The following GHR variants were observed in gnomAD, a reference collection of about 807,000 sequenced individuals.
The protein encoded by GHR is GH receptor.
In GHR, 35 loss-of-function variants were observed where a neutral mutation model predicts 67.1. The ratio of observed to expected loss-of-function variants is 0.52; its 90% CI spans 0.40 to 0.69. The LOEUF (loss-of-function observed/expected upper bound fraction) is 0.69, where lower values mean the gene tolerates loss of function less well. Among genes scored for constraint, GHR ranks in the 30% least tolerant of loss-of-function variants. The probability of loss-of-function intolerance (pLI) is 0.00; values close to 1 mark genes in which losing one functional copy is unlikely to be tolerated. For missense variants in GHR, 792 were observed against 764.6 expected, an observed-to-expected ratio of 1.04 and a Z score of -0.42; for synonymous variants, 272 against 269.1, an observed-to-expected ratio of 1.01 and a Z score of -0.10.
chr5:42,548,864 G>T (rs1748870894), intron 1 of GHR, among the ~76,000 whole-genome samples: 1 of 152,156 alleles, frequency 6.6e-6, no homozygotes, highest in African/African-American at 2.4e-5. Context: ...GTTTTCAAAG[G>T]TTGTTCTCTG....
At chr5:42,578,073 A>G (rs1181777601) in intron 2 of GHR, among the ~76,000 whole-genome samples, 1 of 152,184 alleles carries the variant, frequency 6.6e-6, no homozygotes, top group African/African-American at 2.4e-5. Context: ...TTGAGATTTT[A>G]GGTTAATTTA....
chr5:42,684,492 A>G (rs1307869100), intron 3 of GHR, among the ~76,000 whole-genome samples: 1 of 152,242 alleles, frequency 6.6e-6, no homozygotes, highest in African/African-American at 2.4e-5. Context: ...GTTTGTTTTC[A>G]GTGCTTCAAC....
intron 3 of GHR, among the ~76,000 whole-genome samples, chr5:42,663,895 A>T (rs1448962100): frequency 6.6e-6 from 1 of 152,230 alleles, no homozygotes; most frequent in African/African-American, 2.4e-5. Flanking sequence ...ACTTCAGCAA[A>T]GTCTCAGGAT....
intron 3 of GHR, among the ~76,000 whole-genome samples, chr5:42,667,285 C>A (rs1321835888): frequency 1.3e-5 from 2 of 152,188 alleles, no homozygotes; most frequent in Non-Finnish European, 2.9e-5. Context: ...CTAACACAGA[C>A]ACAGTCAACA....
At chr5:42,629,642 GAAAAC>G (rs1355257771) in intron 3 of GHR, among the ~76,000 whole-genome samples, 1 of 131,120 alleles carries the variant, frequency 7.6e-6, no homozygotes, top group Admixed American at 7.4e-5. Flanking sequence ...TTATAGCAAT[GAAAAC>G]AAACTAATAC....
intron 1 of GHR, among the ~76,000 whole-genome samples, chr5:42,515,210 G>A (rs1035894758): frequency 2.6e-5 from 4 of 152,200 alleles, no homozygotes; most frequent in African/African-American, 9.7e-5. Context: ...TGCAAATCCA[G>A]AAAGCAGCTT....
At chr5:42,628,249 G>A (rs973305693) in intron 2 of GHR, among the ~76,000 whole-genome samples, 1 of 151,942 alleles carries the variant, frequency 6.6e-6, no homozygotes, top group African/African-American at 2.4e-5. Flanking sequence ...GGGCCAAAAG[G>A]TAGCTTTTTG....
At chr5:42,704,273 G>T (rs1047287034) in intron 6 of GHR, among the ~76,000 whole-genome samples, 1 of 151,702 alleles carries the variant, frequency 6.6e-6, no homozygotes, top group Non-Finnish European at 1.5e-5. Context: ...AAAGGATATT[G>T]AATTTTGACA....
intron 1 of GHR, among the ~76,000 whole-genome samples, chr5:42,429,044 A>G (rs1194425130): frequency 6.6e-6 from 1 of 152,116 alleles, no homozygotes; most frequent in African/African-American, 2.4e-5. Flanking sequence ...ACCATTACCA[A>G]CTTACTATAT....
At chr5:42,552,639 A>G (rs1438207723) in intron 1 of GHR, among the ~76,000 whole-genome samples, 1 of 152,182 alleles carries the variant, frequency 6.6e-6, no homozygotes, top group Non-Finnish European at 1.5e-5. Context: ...CAAAATGCCA[A>G]TATATTTGTT....
At chr5:42,684,177 T>C (rs1279684050) in intron 3 of GHR, among the ~76,000 whole-genome samples, 1 of 152,224 alleles carries the variant, frequency 6.6e-6, no homozygotes, top group Admixed American at 6.5e-5. Context: ...TAATTATATA[T>C]GCCTCTTAAT....
chr5:42,664,073 A>G (rs1362050304), intron 3 of GHR, among the ~76,000 whole-genome samples: 1 of 152,210 alleles, frequency 6.6e-6, no homozygotes, highest in Non-Finnish European at 1.5e-5. Context: ...ACTACAAACC[A>G]CTGCTCAATG....
At chr5:42,700,052 A>G in intron 6 of GHR, 50 bp downstream of exon 6, 1 of 1,104,978 alleles carries the variant, frequency 9.0e-7, no homozygotes, top group Non-Finnish European at 1.4e-6. Flanking sequence ...TATTTCAACA[A>G]ACTCTCTCTC....
intron 1 of GHR, among the ~76,000 whole-genome samples, chr5:42,476,611 G>A (rs1745334695): frequency 6.6e-6 from 1 of 152,218 alleles, no homozygotes; most frequent in Admixed American, 6.5e-5. Flanking sequence ...ACTGAAGAGA[G>A]AAATTGTTGG....
At chr5:42,540,390 G>A (rs991474182) in intron 1 of GHR, among the ~76,000 whole-genome samples, 3 of 151,986 alleles carry the variant, frequency 2.0e-5, no homozygotes, top group African/African-American at 4.8e-5. Flanking sequence ...AATAAGAATT[G>A]TCCATTTTCT....
At chr5:42,710,968 T>C (rs550198168) in intron 6 of GHR, among the ~76,000 whole-genome samples, 1 of 152,318 alleles carries the variant, frequency 6.6e-6, no homozygotes, top group East Asian at 1.9e-4. Flanking sequence ...TGCATTTCTT[T>C]AAGCAAGTCT....
intron 1 of GHR, among the ~76,000 whole-genome samples, chr5:42,557,336 C>T (rs1330321237): frequency 1.3e-5 from 2 of 152,058 alleles, no homozygotes; most frequent in Non-Finnish European, 2.9e-5. Flanking sequence ...GCGAAGAGCA[C>T]ATTTGCTGAT....
chr5:42,649,607 C>G (rs1754915107), intron 3 of GHR, among the ~76,000 whole-genome samples: 1 of 152,150 alleles, frequency 6.6e-6, no homozygotes. Flanking sequence ...GGCTGGCCCC[C>G]TTTAAAAGGC....
intron 3 of GHR, among the ~76,000 whole-genome samples, chr5:42,636,760 C>T (rs964090206): frequency 7.2e-5 from 11 of 152,154 alleles, no homozygotes; most frequent in Admixed American, 2.0e-4. Flanking sequence ...AGAAAGCAGA[C>T]ATTTACAAAA....
Sources: allele counts gnomAD v4.1 joint callset (sites outside exome capture counted in the v4.1 genomes callset), GRCh38; gene constraint gnomAD v4.1.1; transcripts MANE v1.5; gene names NCBI Gene and HGNC (gene_info 2026-07-23, HGNC 2026-07-21).